Variants in SGCZ observed in about 807,000 individuals in gnomAD.
SGCZ encodes the protein sarcoglycan zeta.
SGCZ carries 40 observed loss-of-function variants against 41.3 expected under a neutral mutation model. The ratio of observed to expected loss-of-function variants is 0.97; its 90% confidence interval spans 0.75 to 1.26. The LOEUF (loss-of-function observed/expected upper bound fraction) is 1.26. Ranked by LOEUF, SGCZ falls within the 50% of genes most tolerant of loss-of-function variation. The pLI is 0.00. For missense variants in SGCZ, 552 were observed against 369.8 expected (o/e 1.49, Z -4.04); for synonymous variants, 206 against 137.5 (o/e 1.50, Z -3.49).
chr8:15,081,112 T>C (rs1805732046), intron 1 of SGCZ, among the ~76,000 whole-genome samples: 1 of 152,156 alleles, frequency 6.6e-6, no homozygotes, highest in South Asian at 2.1e-4. Context: ...TGCTACTTTG[T>C]ATGGCAACCC....
intron 4 of SGCZ, among the ~76,000 whole-genome samples, chr8:14,231,121 T>G (rs182685561): frequency 6.6e-6 from 1 of 150,974 alleles, no homozygotes; most frequent in African/African-American, 2.4e-5. Context: ...GACTCTGACT[T>G]TGCTTCCTAG....
chr8:14,825,455 T>G lies in SGCZ; in HGVS notation c.40-270529A>C, dbSNP rs868649996. On this transcript the variant is annotated intron_variant, in intron 1 of 7. Transcript: ENST00000382080. Reference sequence around the variant, plus strand: ...TCATTTTTAGACAATTAAAAGTAATTTGTGCATTGTCAAGTTTATGGCATT... The same window carrying G: ...TCATTTTTAGACAATTAAAAGTAATGTGTGCATTGTCAAGTTTATGGCATT... Among the ~76,000 whole-genome samples the G allele has an allele frequency of 2.6e-5, 4 of 152,336 alleles. No homozygotes were observed. The South Asian group carries it at 8.3e-4, about 32-fold the overall frequency.
chr8:14,620,235 T>C (rs1806239184), intron 1 of SGCZ, among the ~76,000 whole-genome samples: 1 of 152,100 alleles, frequency 6.6e-6, no homozygotes, highest in Non-Finnish European at 1.5e-5. Context: ...TGGCTAGCCA[T>C]ATGTAGAAAG....
chr8:14,103,392 C>T (rs564035852), intron 6 of SGCZ, among the ~76,000 whole-genome samples: 6 of 152,156 alleles, frequency 3.9e-5, no homozygotes, highest in Admixed American at 1.3e-4. Flanking sequence ...TGGGGATGCA[C>T]CTGCCTGTGA....
chr8:14,500,993 C>A (rs796261324), intron 2 of SGCZ, among the ~76,000 whole-genome samples: 5 of 144,294 alleles, frequency 3.5e-5, no homozygotes, highest in African/African-American at 1.3e-4. Flanking sequence ...AGCTTAAAAC[C>A]ACAAATTTAT....
At chr8:14,385,820 C>T (rs1487232262) in intron 2 of SGCZ, among the ~76,000 whole-genome samples, 1 of 152,110 alleles carries the variant, frequency 6.6e-6, no homozygotes, top group Non-Finnish European at 1.5e-5. Flanking sequence ...ACACTCACTC[C>T]TTAGTATCTG....
At chr8:14,260,865 C>T (rs1035953875) in intron 3 of SGCZ, among the ~76,000 whole-genome samples, 2 of 152,190 alleles carry the variant, frequency 1.3e-5, no homozygotes, top group East Asian at 3.9e-4. Context: ...CCAAACACCG[C>T]ATATTCTCAC....
intron 1 of SGCZ, among the ~76,000 whole-genome samples, chr8:14,946,947 T>C (rs918145238): frequency 6.6e-6 from 1 of 152,132 alleles, no homozygotes; most frequent in African/African-American, 2.4e-5. Context: ...GTGCTGGGAT[T>C]ACAGGCGTGA....
chr8:14,636,205 T>C (rs1376999251), intron 1 of SGCZ, among the ~76,000 whole-genome samples: 3 of 151,870 alleles, frequency 2.0e-5, no homozygotes, highest in Non-Finnish European at 4.4e-5. Context: ...AGACATAAGC[T>C]GAATTTTGTT....
chr8:14,568,051 G>A (rs1804432812), intron 1 of SGCZ, among the ~76,000 whole-genome samples: 1 of 150,284 alleles, frequency 6.7e-6, no homozygotes, highest in Admixed American at 6.6e-5. Flanking sequence ...CCTCCTTTCA[G>A]TGTTGGTATT....
intron 2 of SGCZ, among the ~76,000 whole-genome samples, chr8:14,329,740 C>A (rs2117047850): frequency 6.6e-6 from 1 of 152,226 alleles, no homozygotes; most frequent in South Asian, 2.1e-4. Context: ...TCCAGTGTGC[C>A]CCAACCCCCT....
chr8:14,242,219 T>G (rs1798916216), intron 3 of SGCZ, among the ~76,000 whole-genome samples: 1 of 152,222 alleles, frequency 6.6e-6, no homozygotes, highest in Non-Finnish European at 1.5e-5. Flanking sequence ...CTTCAGATGC[T>G]CATTCTCTCC....
At chr8:14,842,782 A>T (rs1397359780) in intron 1 of SGCZ, among the ~76,000 whole-genome samples, 5 of 152,234 alleles carry the variant, frequency 3.3e-5, no homozygotes, top group Non-Finnish European at 7.3e-5. Context: ...AAATGCACAG[A>T]CTAGATAAAT....
intron 1 of SGCZ, among the ~76,000 whole-genome samples, chr8:14,797,975 T>C (rs183843955): frequency 2.2e-4 from 33 of 152,254 alleles, no homozygotes; most frequent in Non-Finnish European, 4.3e-4. Flanking sequence ...TCAGAGGATG[T>C]AGGGAAATAC....
At chr8:14,149,713 T>G (rs1357489854) in intron 5 of SGCZ, among the ~76,000 whole-genome samples, 2 of 147,642 alleles carry the variant, frequency 1.4e-5, no homozygotes, top group East Asian at 3.9e-4. Flanking sequence ...AAATCCAGGA[T>G]AGCTAAAGTT....
intron 1 of SGCZ, among the ~76,000 whole-genome samples, chr8:14,747,672 T>TATTATTATG (rs1554492353): frequency 7.0e-6 from 1 of 142,928 alleles, no homozygotes; most frequent in Non-Finnish European, 1.5e-5. Context: ...TTATTATTAT[T>TATTATTATG]ATTATTATTA....
At chr8:14,925,902 G>C (rs1799732257) in intron 1 of SGCZ, among the ~76,000 whole-genome samples, 1 of 152,134 alleles carries the variant, frequency 6.6e-6, no homozygotes, top group Non-Finnish European at 1.5e-5. Flanking sequence ...ACCTACTTTG[G>C]ACACATTTTA....
chr8:15,030,769 C>T (rs1201818837), intron 1 of SGCZ, among the ~76,000 whole-genome samples: 1 of 151,980 alleles, frequency 6.6e-6, no homozygotes, highest in African/African-American at 2.4e-5. Context: ...GCGGAGGTAA[C>T]CCACAAAACC....
chr8:14,251,732 A>G (rs1471772637), intron 3 of SGCZ, among the ~76,000 whole-genome samples: 10 of 152,352 alleles, frequency 6.6e-5, no homozygotes, highest in Non-Finnish European at 2.9e-5. Context: ...ATTCATAAAA[A>G]GGAAAAAAAT....
Sources: gnomAD v4.1 joint callset for allele counts (sites outside exome capture counted in the v4.1 genomes callset) on GRCh38, gnomAD v4.1.1 for gene constraint, MANE v1.5 for transcripts, NCBI Gene and HGNC (gene_info 2026-07-23, HGNC 2026-07-21) for gene names.